EGLN1: variants seen among roughly 807,000 people sequenced by gnomAD.
EGLN1 encodes egl nine homolog 1.
In EGLN1, 17 loss-of-function variants were observed where a neutral mutation model predicts 38.3. The ratio of observed to expected loss-of-function variants is 0.44; its 90% CI spans 0.30 to 0.67. EGLN1 has a LOEUF of 0.67. EGLN1 is among the 30% of genes least tolerant of loss of function. The pLI is 0.08. For missense variants in EGLN1, 477 were observed against 603.3 expected (o/e 0.79, Z 2.19); for synonymous variants, 283 against 257.5 (o/e 1.10, Z -0.95).
chr1:231,409,277 C>T (rs71636389), intron 1 of EGLN1, among the ~76,000 whole-genome samples: 3,309 of 151,526 alleles, frequency 0.022, 57 homozygotes, highest in South Asian at 0.069. Flanking sequence ...CCTCTCCTGG[C>T]CTGCAGACCA....
intron 1 of EGLN1, among the ~76,000 whole-genome samples, chr1:231,387,029 T>A (rs897328341): frequency 6.6e-5 from 10 of 151,770 alleles, no homozygotes; most frequent in Admixed American, 2.6e-4. Context: ...GCTAATTTTT[T>A]AAAATGTTTT....
At chr1:231,391,088 T>TCTG (rs1558387104) in intron 1 of EGLN1, among the ~76,000 whole-genome samples, 1 of 34,692 alleles carries the variant, frequency 2.9e-5, no homozygotes, top group Non-Finnish European at 7.6e-5. Flanking sequence ...ATTCTGTTTT[T>TCTG]TTTTTGTGTG....
chr1:231,392,385 A>T (rs778453109), intron 1 of EGLN1, among the ~76,000 whole-genome samples: 1 of 152,236 alleles, frequency 6.6e-6, no homozygotes, highest in Non-Finnish European at 1.5e-5. Context: ...TATAATACTT[A>T]AAGTAAATGC....
At chr1:231,386,704 T>C (rs1263560611) in intron 1 of EGLN1, among the ~76,000 whole-genome samples, 1 of 152,218 alleles carries the variant, frequency 6.6e-6, no homozygotes, top group Non-Finnish European at 1.5e-5. Context: ...ATCTACTGAA[T>C]AAATCAATTA....
Position 231,366,075 on chromosome 1 carries a change from GATGAA to G in EGLN1, c.*331_*335del, listed in dbSNP as rs1440104165. ...TCAAACTTGATATAAAAAAGGGAGA[GATGAA>G]ATGAACTCAGCTAGATAACAGATCT... On this transcript the variant is annotated 3_prime_UTR_variant, in exon 5 of 5. Transcript: ENST00000366641. The G allele has an allele frequency of 1.7e-5, 5 of 293,464 alleles. No homozygotes were observed. In the South Asian group the frequency reaches 1.9e-4, roughly 11 times the overall value. 18.2% of individuals were successfully genotyped at this position (293,464 alleles called of 1,614,324 possible). A position where few individuals can be genotyped will look rare whatever the true frequency, so the allele number is the denominator to read the frequency against.
intron 1 of EGLN1, among the ~76,000 whole-genome samples, chr1:231,404,810 G>A (rs1238742788): frequency 6.6e-6 from 1 of 152,064 alleles, no homozygotes; most frequent in East Asian, 1.9e-4. Flanking sequence ...TGCTAACGGA[G>A]AAGGCATGAG....
At chr1:231,371,256 ATGAT>A (rs1395192893) in intron 2 of EGLN1, among the ~76,000 whole-genome samples, 28 of 152,358 alleles carry the variant, frequency 1.8e-4, no homozygotes, top group African/African-American at 6.5e-4. Context: ...AAGTCTTAAA[ATGAT>A]GCTTGAAAGC....
chr1:231,392,667 A>C (rs1411747045), intron 1 of EGLN1, among the ~76,000 whole-genome samples: 2 of 152,226 alleles, frequency 1.3e-5, no homozygotes, highest in Non-Finnish European at 2.9e-5. Flanking sequence ...GGTGAGGATA[A>C]ACAATAGAAT....
intron 1 of EGLN1, among the ~76,000 whole-genome samples, chr1:231,389,434 G>T (rs1688312137): frequency 6.6e-6 from 1 of 152,054 alleles, no homozygotes; most frequent in African/African-American, 2.4e-5. Context: ...AAAGAAAAGT[G>T]GCCAAAATAG....
intron 1 of EGLN1, among the ~76,000 whole-genome samples, chr1:231,420,640 C>T (rs185650518): frequency 2.1e-4 from 32 of 152,240 alleles, no homozygotes; most frequent in Non-Finnish European, 3.4e-4. Context: ...TTGGGTGGTA[C>T]TCTAACACCC....
intron 1 of EGLN1, among the ~76,000 whole-genome samples, chr1:231,416,437 T>TC (rs1689085256): frequency 1.0e-5 from 1 of 99,068 alleles, no homozygotes; most frequent in African/African-American, 4.5e-5. Context: ...AAAAAAAAAA[T>TC]TTTTTTTTTT....
intron 1 of EGLN1, among the ~76,000 whole-genome samples, chr1:231,399,503 G>A (rs552113070): frequency 6.6e-6 from 1 of 152,284 alleles, no homozygotes; most frequent in African/African-American, 2.4e-5. Context: ...CAGCAAAGAA[G>A]GAATGGTTCA....
chr1:231,374,270 C>T (rs192692822), intron 1 of EGLN1, among the ~76,000 whole-genome samples, 171 bp from the exon 2 acceptor site: 74 of 152,232 alleles, frequency 4.9e-4, no homozygotes, highest in African/African-American at 1.2e-3. Context: ...TTATAGGGAA[C>T]ACAAGATAGG....
chr1:231,369,442 T>C (rs1003602497), intron 3 of EGLN1: 4 of 347,924 alleles, frequency 1.1e-5, no homozygotes, highest in Non-Finnish European at 1.6e-5. Flanking sequence ...TCAGAAAATC[T>C]TTACAGAAGC....
chr1:231,410,877 A>G (rs1273997390), intron 1 of EGLN1, among the ~76,000 whole-genome samples: 2 of 151,182 alleles, frequency 1.3e-5, no homozygotes, highest in Admixed American at 1.3e-4. Flanking sequence ...GAATCACTAA[A>G]TTTTTTAGCT....
intron 2 of EGLN1, 22 bp from the exon 3 acceptor site, chr1:231,370,720 T>G: frequency 6.2e-7 from 1 of 1,613,772 alleles, no homozygotes; most frequent in South Asian, 1.1e-5. Context: ...GCCAAATATG[T>G]AAGCAGGAGT....
chr1:231,396,710 C>A (rs1272361402), intron 1 of EGLN1, among the ~76,000 whole-genome samples: 2 of 152,222 alleles, frequency 1.3e-5, no homozygotes, highest in Non-Finnish European at 2.9e-5. Flanking sequence ...ACAAGCAAAG[C>A]AAACTTAACA....
At chr1:231,385,867 G>C (rs1359662262) in intron 1 of EGLN1, among the ~76,000 whole-genome samples, 1 of 152,066 alleles carries the variant, frequency 6.6e-6, no homozygotes, top group Non-Finnish European at 1.5e-5. Context: ...TTCTATTTTT[G>C]TTTTCCTGAG....
chr1:231,373,879 T>G, intron 2 of EGLN1, 101 bp downstream of exon 2: 3 of 1,421,516 alleles, frequency 2.1e-6, no homozygotes, highest in Non-Finnish European at 2.9e-6. Flanking sequence ...AGGAAAATTT[T>G]TAACTGTGTC....
Sources: gnomAD v4.1 joint callset for allele counts (sites outside exome capture counted in the v4.1 genomes callset) on GRCh38, gnomAD v4.1.1 for gene constraint, MANE v1.5 for transcripts, NCBI Gene and HGNC (gene_info 2026-07-23, HGNC 2026-07-21) for gene names.